The following NECAB1 variants were observed in gnomAD, a reference collection of about 807,000 sequenced individuals.
The protein encoded by NECAB1 is N-terminal EF-hand calcium binding protein 1, also known as N-terminal EF-hand calcium-binding protein 1.
A neutral mutation model predicts 57.5 loss-of-function variants in NECAB1; 29 were observed. The observed-to-expected ratio is 0.50, with a 90% confidence interval of 0.38 to 0.69. The LOEUF (loss-of-function observed/expected upper bound fraction) is 0.69. Ranked by LOEUF, NECAB1 falls within the 30% of genes least tolerant of loss-of-function variation. The pLI is 0.00. For missense variants in NECAB1, 372 were observed against 413.8 expected (o/e 0.90, Z 0.88); for synonymous variants, 142 against 147.7 (o/e 0.96, Z 0.28).
chr8:90,941,626 T>C (rs1174329488), intron 10 of NECAB1, among the ~76,000 whole-genome samples: 1 of 152,226 alleles, frequency 6.6e-6, no homozygotes, highest in Non-Finnish European at 1.5e-5. Flanking sequence ...ACATTTGTCC[T>C]GACTCTATAT....
chr8:90,921,568 G>A (rs370737735), intron 6 of NECAB1, among the ~76,000 whole-genome samples: 53 of 152,238 alleles, frequency 3.5e-4, no homozygotes, highest in African/African-American at 1.2e-3. Flanking sequence ...CAGCTACTCT[G>A]GAGGCTGAAG....
intron 2 of NECAB1, among the ~76,000 whole-genome samples, chr8:90,821,593 AC>A (rs1405572881): frequency 6.7e-6 from 1 of 149,706 alleles, no homozygotes; most frequent in Non-Finnish European, 1.5e-5. Flanking sequence ...TCCTTCACTA[AC>A]CCCTATTTTT....
intron 1 of NECAB1, among the ~76,000 whole-genome samples, chr8:90,801,268 G>A (rs1011440811): frequency 3.3e-5 from 5 of 152,018 alleles, no homozygotes; most frequent in African/African-American, 1.2e-4. Flanking sequence ...CCCCTGCCCT[G>A]CCCATTCCTA....
chr8:90,891,563 A>G (rs926639909), intron 5 of NECAB1, among the ~76,000 whole-genome samples: 1 of 151,614 alleles, frequency 6.6e-6, no homozygotes, highest in Non-Finnish European at 1.5e-5. Flanking sequence ...AGAACCAAGA[A>G]TTTTTCTCAT....
At chr8:90,889,900 A>G (rs1402645727) in intron 5 of NECAB1, among the ~76,000 whole-genome samples, 1 of 152,062 alleles carries the variant, frequency 6.6e-6, no homozygotes, top group East Asian at 1.9e-4. Context: ...ATTAAACTCC[A>G]CTTGTGTGTA....
At chr8:90,906,212 A>T (rs1293670868) in intron 5 of NECAB1, among the ~76,000 whole-genome samples, 1 of 152,110 alleles carries the variant, frequency 6.6e-6, no homozygotes, top group Non-Finnish European at 1.5e-5. Flanking sequence ...GAGGTGAGTT[A>T]ATCTCTCAGT....
At chr8:90,883,660 A>C (rs7017072) in intron 5 of NECAB1, among the ~76,000 whole-genome samples, 11,495 of 151,956 alleles carry the variant, frequency 0.076, 761 homozygotes, top group African/African-American at 0.18. Flanking sequence ...TTCTCCCTTA[A>C]CCCCAGCCTT....
At chr8:90,922,869 T>A (rs1810160135) in intron 6 of NECAB1, among the ~76,000 whole-genome samples, 1 of 152,128 alleles carries the variant, frequency 6.6e-6, no homozygotes, top group Non-Finnish European at 1.5e-5. Flanking sequence ...AATGTATGAT[T>A]TCTTTTGCTC....
chr8:90,937,846 G>A (rs987729701), intron 9 of NECAB1, among the ~76,000 whole-genome samples: 3 of 151,988 alleles, frequency 2.0e-5, no homozygotes, highest in East Asian at 1.9e-4. Context: ...TAAAATCGAC[G>A]GATAATGTCT....
At chr8:90,806,350 A>G (rs1811847466) in intron 2 of NECAB1, 1 of 152,204 alleles carries the variant, frequency 6.6e-6, no homozygotes. Context: ...CACCGTGGTG[A>G]GCAAAATGCC....
intron 10 of NECAB1, 110 bp downstream of exon 10, chr8:90,941,008 C>T (rs2631006): frequency 1.3e-6 from 1 of 782,466 alleles, no homozygotes; most frequent in Non-Finnish European, 2.1e-6. Flanking sequence ...ATTTGAGAAT[C>T]CTCACATTAA....
At chr8:90,836,904 G>A (rs1812378488) in intron 3 of NECAB1, among the ~76,000 whole-genome samples, 2 of 152,206 alleles carry the variant, frequency 1.3e-5, no homozygotes. Flanking sequence ...GGAGGCTGAT[G>A]TTTTGCCAAA....
At chr8:90,894,218 G>C (rs1358949335) in intron 5 of NECAB1, among the ~76,000 whole-genome samples, 1 of 152,058 alleles carries the variant, frequency 6.6e-6, no homozygotes, top group Non-Finnish European at 1.5e-5. Context: ...TTTAATAATG[G>C]TTATGCTAAA....
intron 5 of NECAB1, among the ~76,000 whole-genome samples, chr8:90,907,479 A>G (rs1307778546): frequency 6.6e-6 from 1 of 152,234 alleles, no homozygotes; most frequent in Non-Finnish European, 1.5e-5. Context: ...AGTTACAGGT[A>G]CAGACAGATC....
chr8:90,894,252 T>C (rs960344522), intron 5 of NECAB1, among the ~76,000 whole-genome samples: 6 of 152,200 alleles, frequency 3.9e-5, no homozygotes, highest in Admixed American at 3.9e-4. Context: ...TTCCTTAATA[T>C]ATAAGGAAAT....
chr8:90,853,522 G>A (rs184315225), intron 3 of NECAB1, among the ~76,000 whole-genome samples: 1 of 152,014 alleles, frequency 6.6e-6, no homozygotes, highest in East Asian at 1.9e-4. Context: ...CTTAAATCTT[G>A]TTTTTTTCAT....
At position 90,815,455 on chromosome 8, in the gene NECAB1, G is replaced by A. The variant is rs867200109; in HGVS notation, c.125-9262G>A. Among the ~76,000 whole-genome samples the A allele has an allele frequency of 3.3e-5, 5 of 151,962 alleles. No individual in the cohort carries two copies. In the South Asian group the frequency reaches 1.0e-3, roughly 32 times the overall value. On this transcript the variant is annotated intron_variant, in intron 2 of 12. Transcript: ENST00000417640. ...TTCTTTGCACAGTAAATTTCTATAG[G>A]TTTTGGCAAATGCATGTTATATATC...
At chr8:90,926,928 G>C (rs1260552266) in intron 7 of NECAB1, among the ~76,000 whole-genome samples, 1 of 152,102 alleles carries the variant, frequency 6.6e-6, no homozygotes, top group Non-Finnish European at 1.5e-5. Flanking sequence ...ATAGCAGGAA[G>C]AAATTGAAGA....
At chr8:90,881,696 C>T (rs111504068) in intron 5 of NECAB1, among the ~76,000 whole-genome samples, 20 of 152,328 alleles carry the variant, frequency 1.3e-4, no homozygotes, top group African/African-American at 4.3e-4. Flanking sequence ...GCTTCCTGTA[C>T]AGCCTGCAGA....
Sources: gnomAD v4.1 joint callset for allele counts (sites outside exome capture counted in the v4.1 genomes callset) on GRCh38, gnomAD v4.1.1 for gene constraint, MANE v1.5 for transcripts, NCBI Gene and HGNC (gene_info 2026-07-23, HGNC 2026-07-21) for gene names.